The following ARHGAP10 variants were observed in gnomAD, a reference collection of about 807,000 sequenced individuals.
The protein encoded by ARHGAP10 is Rho GTPase activating protein 10, also known as rho GTPase-activating protein 10.
A neutral mutation model predicts 108.6 loss-of-function variants in ARHGAP10; 87 were observed. The observed-to-expected ratio is 0.80, with a 90% CI of 0.67 to 0.96. ARHGAP10 has a LOEUF of 0.96. Among genes scored for constraint, ARHGAP10 ranks in the 40% least tolerant of loss-of-function variants. The pLI, the probability that ARHGAP10 is intolerant of heterozygous loss-of-function variation, is 0.00. For synonymous variants in ARHGAP10, 347 were observed against 341.1 expected (o/e 1.02, Z -0.19); for missense variants, 939 against 954.5 (o/e 0.98, Z 0.21).
At chr4:147,919,394 G>C (rs1002045514) in intron 13 of ARHGAP10, among the ~76,000 whole-genome samples, 3 of 152,144 alleles carry the variant, frequency 2.0e-5, no homozygotes, top group African/African-American at 7.2e-5. Flanking sequence ...TTTGGCATGT[G>C]TGGGAGTCAC....
intron 18 of ARHGAP10, among the ~76,000 whole-genome samples, chr4:147,974,195 T>G (rs1465247324): frequency 6.6e-6 from 1 of 152,174 alleles, no homozygotes; most frequent in Non-Finnish European, 1.5e-5. Flanking sequence ...CATTTTTTAT[T>G]GCCTGACTTT....
In ARHGAP10 at chr4:147,783,746, T is replaced by A. The variant is rs185631589; in HGVS notation, c.155-38981T>A. Among the ~76,000 whole-genome samples the A allele has an allele frequency of 8.5e-3, 1,241 of 146,260 alleles. 18 individuals carry two copies. The highest frequency in any genetic ancestry group is 0.029 in the African/African-American group (1,153 of 39,922). ...ACACATTAAATTATGTATTGTATAA[T>A]TTATAGAACACATTAAATTATTATA... On this transcript the variant is annotated intron_variant, in intron 1 of 22. Coordinates refer to ENST00000336498, the MANE Select transcript of ARHGAP10 (RefSeq NM_024605.4).
chr4:147,740,030 C>G (rs1728595090), intron 1 of ARHGAP10, among the ~76,000 whole-genome samples: 1 of 145,572 alleles, frequency 6.9e-6, no homozygotes, highest in African/African-American at 2.5e-5. Context: ...GCCACTGCGT[C>G]TGGCCTTACT....
chr4:148,002,152 T>A (rs1014082400), intron 18 of ARHGAP10, among the ~76,000 whole-genome samples: 1 of 152,202 alleles, frequency 6.6e-6, no homozygotes, highest in African/African-American at 2.4e-5. Flanking sequence ...AAGACCTTTT[T>A]TGCATCTATT....
At chr4:147,782,835 A>G (rs1015975681) in intron 1 of ARHGAP10, among the ~76,000 whole-genome samples, 2 of 147,406 alleles carry the variant, frequency 1.4e-5, no homozygotes, top group African/African-American at 4.9e-5. Context: ...AAAGACTCCA[A>G]AGACCCAGGA....
chr4:147,868,874 G>T (rs1320003023), intron 7 of ARHGAP10, among the ~76,000 whole-genome samples: 3 of 152,242 alleles, frequency 2.0e-5, no homozygotes, highest in Non-Finnish European at 4.4e-5. Context: ...CTCACCTCCT[G>T]CCATGTGACC....
At chr4:147,857,147 A>T (rs1018141735) in intron 4 of ARHGAP10, among the ~76,000 whole-genome samples, 1 of 152,186 alleles carries the variant, frequency 6.6e-6, no homozygotes, top group East Asian at 1.9e-4. Context: ...CCACTGGCCT[A>T]TTATTCCATT....
intron 18 of ARHGAP10, among the ~76,000 whole-genome samples, chr4:148,004,407 C>T (rs947698882): frequency 3.3e-5 from 5 of 152,182 alleles, no homozygotes; most frequent in East Asian, 1.9e-4. Flanking sequence ...GTGATTGTGG[C>T]AGACTCACCC....
intron 19 of ARHGAP10, among the ~76,000 whole-genome samples, chr4:148,027,313 T>C (rs1727915100): frequency 1.3e-5 from 2 of 152,158 alleles, no homozygotes; most frequent in Admixed American, 1.3e-4. Flanking sequence ...TTATAGTGAG[T>C]TGAAAACAAA....
At chr4:147,878,325 G>C (rs1426980138) in intron 8 of ARHGAP10, among the ~76,000 whole-genome samples, 2 of 152,166 alleles carry the variant, frequency 1.3e-5, no homozygotes, top group Admixed American at 1.3e-4. Context: ...TCCATCTCCT[G>C]ACTTCGTGAT....
At chr4:148,011,818 G>T (rs2149654668) in intron 18 of ARHGAP10, among the ~76,000 whole-genome samples, 1 of 152,310 alleles carries the variant, frequency 6.6e-6, no homozygotes, top group African/African-American at 2.4e-5. Context: ...GAATATTTAA[G>T]AATCCTGTTC....
intron 18 of ARHGAP10, among the ~76,000 whole-genome samples, chr4:147,978,555 T>C (rs1385228521): frequency 6.6e-6 from 1 of 152,148 alleles, no homozygotes; most frequent in Non-Finnish European, 1.5e-5. Flanking sequence ...TGTGTGGCAC[T>C]TCCCCCCTTG....
rs111648154 is a variant in ARHGAP10 at position 148,060,909 on chromosome 4, C to G, written c.2028-2239C>G. Among the ~76,000 whole-genome samples, 96 of 152,270 alleles carry G rather than the reference C, an allele frequency of 6.3e-4. 1 individual carries two copies. Among genetic ancestry groups the G allele is most frequent in the African/African-American group, 2.0e-3 (83 of 41,544 alleles). ...AAAGGTGAATGTGGAGAACTTGACC[C>G]TGGACAAGGACTGCTGATTCTGTGT... On this transcript the variant is annotated intron_variant, in intron 20 of 22. Transcript: ENST00000336498.
At chr4:147,960,647 C>T (rs962868514) in intron 16 of ARHGAP10, among the ~76,000 whole-genome samples, 3 of 152,074 alleles carry the variant, frequency 2.0e-5, no homozygotes, top group African/African-American at 7.2e-5. Context: ...AACATGGGCT[C>T]AAATAAGTAT....
At chr4:147,816,718 A>G (rs1732263676) in intron 1 of ARHGAP10, among the ~76,000 whole-genome samples, 1 of 152,236 alleles carries the variant, frequency 6.6e-6, no homozygotes, top group Admixed American at 6.5e-5. Flanking sequence ...TAACCTGTAC[A>G]GAGAAGCCAT....
intron 18 of ARHGAP10, among the ~76,000 whole-genome samples, chr4:147,992,160 T>A (rs1226795692): frequency 6.6e-6 from 1 of 152,142 alleles, no homozygotes; most frequent in Non-Finnish European, 1.5e-5. Flanking sequence ...TCTTTGAGAG[T>A]GACCCTGGAG....
chr4:147,913,178 G>A, intron 13 of ARHGAP10, 39 bp downstream of exon 13: 3 of 1,571,432 alleles, frequency 1.9e-6, no homozygotes, highest in Non-Finnish European at 2.6e-6. Context: ...AGAGGCTATA[G>A]GTATGTAAAA....
chr4:147,739,757 C>T (rs1292879351), intron 1 of ARHGAP10, among the ~76,000 whole-genome samples: 9 of 144,840 alleles, frequency 6.2e-5, no homozygotes, highest in African/African-American at 1.0e-4. Context: ...TTTTTTTTGA[C>T]GGAGTTTCGC....
At chr4:147,906,145 T>G (rs1010713228) in intron 10 of ARHGAP10, among the ~76,000 whole-genome samples, 3 of 152,190 alleles carry the variant, frequency 2.0e-5, no homozygotes, top group Non-Finnish European at 4.4e-5. Flanking sequence ...TGTATATTCA[T>G]ATGTATATTC....
Sources: gnomAD v4.1 joint callset for allele counts (sites outside exome capture counted in the v4.1 genomes callset) on GRCh38, gnomAD v4.1.1 for gene constraint, MANE v1.5 for transcripts, NCBI Gene and HGNC (gene_info 2026-07-23, HGNC 2026-07-21) for gene names.